DARS2: variants seen among roughly 807,000 people sequenced by gnomAD.
The protein encoded by DARS2 is aspartyl-tRNA synthetase 2, mitochondrial.
A neutral mutation model predicts 83.0 loss-of-function variants in DARS2; 63 were observed. The observed-to-expected ratio is 0.76, with a 90% CI of 0.62 to 0.94. The LOEUF (loss-of-function observed/expected upper bound fraction) is 0.94, where lower values mean the gene tolerates loss of function less well. Among genes scored for constraint, DARS2 ranks in the 40% least tolerant of loss-of-function variants. The pLI, the probability that DARS2 is intolerant of heterozygous loss-of-function variation, is 0.00. For missense variants in DARS2, 675 were observed against 774.4 expected, an observed-to-expected ratio of 0.87 and a Z score of 1.52; for synonymous variants, 250 against 269.3, an observed-to-expected ratio of 0.93 and a Z score of 0.70.
chr1:173,838,081 G>T (rs916173833), intron 8 of DARS2, 109 bp from the exon 9 acceptor site: 5 of 919,580 alleles, frequency 5.4e-6, no homozygotes, highest in South Asian at 1.4e-5. Context: ...CCCTTCTTAC[G>T]TTTTTTAAGT....
At chr1:173,826,125 G>A (rs1290226157) in intron 1 of DARS2, among the ~76,000 whole-genome samples, 3 of 151,642 alleles carry the variant, frequency 2.0e-5, no homozygotes, top group African/African-American at 7.3e-5. Flanking sequence ...TGGGGAGGCC[G>A]AGGCAGGAGA....
intron 7 of DARS2, among the ~76,000 whole-genome samples, chr1:173,836,013 C>T (rs774668573): frequency 2.0e-5 from 3 of 151,718 alleles, no homozygotes; most frequent in Non-Finnish European, 4.4e-5. Context: ...GCCAAGATCA[C>T]GCCATTGCAC....
intron 12 of DARS2, among the ~76,000 whole-genome samples, chr1:173,846,806 G>A (rs1411916818): frequency 1.3e-5 from 2 of 152,006 alleles, no homozygotes; most frequent in African/African-American, 4.8e-5. Flanking sequence ...AAAAAAAAAG[G>A]AAAGAATCTT....
intron 9 of DARS2, among the ~76,000 whole-genome samples, chr1:173,838,585 G>C (rs886240543): frequency 6.6e-6 from 1 of 151,768 alleles, no homozygotes; most frequent in Non-Finnish European, 1.5e-5. Context: ...TTCCTAAAGT[G>C]TTCTAATGTT....
At chr1:173,841,926 G>A (rs1363441836) in intron 11 of DARS2, among the ~76,000 whole-genome samples, 4 of 152,134 alleles carry the variant, frequency 2.6e-5, no homozygotes, top group Non-Finnish European at 5.9e-5. Context: ...TCTTAGCCCT[G>A]TATCAGCACC....
At chr1:173,828,447 T>A (rs768977566) in intron 3 of DARS2, 48 bp downstream of exon 3, 1 of 1,537,596 alleles carries the variant, frequency 6.5e-7, no homozygotes, top group Non-Finnish European at 9.0e-7. Flanking sequence ...TTGATGCTAT[T>A]GCTGGGGTAA....
chr1:173,840,468 G>C (rs1653163512), intron 10 of DARS2, among the ~76,000 whole-genome samples: 1 of 152,180 alleles, frequency 6.6e-6, no homozygotes, highest in Non-Finnish European at 1.5e-5. Context: ...CTGACCTCAG[G>C]TGATCTGCCC....
At chr1:173,843,621 C>T (rs1172703958) in intron 11 of DARS2, among the ~76,000 whole-genome samples, 2 of 152,176 alleles carry the variant, frequency 1.3e-5, no homozygotes, top group African/African-American at 4.8e-5. Context: ...AGCTGAGGTG[C>T]ATTAATCACA....
At chr1:173,831,686 C>A in intron 5 of DARS2, 56 bp downstream of exon 5, 2 of 1,313,340 alleles carry the variant, frequency 1.5e-6, no homozygotes, top group South Asian at 2.4e-5. Context: ...GATGACTAGT[C>A]AAGTATTTTC....
chr1:173,831,457 T>C (rs1652793249), intron 4 of DARS2, 78 bp from the exon 5 acceptor site: 2 of 1,035,862 alleles, frequency 1.9e-6, no homozygotes, highest in Non-Finnish European at 3.1e-6. Context: ...TGTAAATAAA[T>C]GCATAGATTC....
intron 15 of DARS2, among the ~76,000 whole-genome samples, chr1:173,854,688 A>T (rs1261506196): frequency 2.0e-5 from 3 of 152,234 alleles, no homozygotes; most frequent in African/African-American, 4.8e-5. Context: ...TTGAAAAAAT[A>T]AAAATCAAAT....
At chr1:173,827,238 C>T (rs572076234) in intron 2 of DARS2, among the ~76,000 whole-genome samples, 16 of 152,186 alleles carry the variant, frequency 1.1e-4, no homozygotes, top group African/African-American at 3.6e-4. Flanking sequence ...AGATCAGAGC[C>T]CATTTTTTGT....
At chr1:173,833,169 T>C (rs1285794094) in intron 5 of DARS2, among the ~76,000 whole-genome samples, 1 of 152,196 alleles carries the variant, frequency 6.6e-6, no homozygotes, top group Non-Finnish European at 1.5e-5. Flanking sequence ...TGAAGAGTGA[T>C]ATTATTAATA....
chr1:173,847,390 C>A (rs1653477119), intron 12 of DARS2, among the ~76,000 whole-genome samples: 1 of 152,058 alleles, frequency 6.6e-6, no homozygotes, highest in Admixed American at 6.6e-5. Context: ...TGAAGGTTAA[C>A]TTTGGCAGCT....
At position 173,853,841 on chromosome 1, in the gene DARS2, G is replaced by A. The variant is rs771437506; in HGVS notation, c.1610G>A (p.Gly537Glu). 3.1e-6 allele frequency: 5 copies of A among 1,614,072 alleles called. No individual in the cohort carries two copies. Among genetic ancestry groups the A allele is most frequent in the Non-Finnish European group, 4.2e-6 (5 of 1,180,040 alleles). The stretch of plus-strand genomic sequence containing the variant: ...TTGGTTTTAAATGGCAATGAAATAG[G>A]AGGTGGTTCAATTCGAATTCACAAT... ...YDLVLNGNEIGGGSIRIHNAE... is the reference protein window; with the variant it reads ...YDLVLNGNEIEGGSIRIHNAE... Residue 537 changes from glycine to glutamate, a missense_variant, in exon 15 of 17, where the codon GGA becomes GAA. Transcript: ENST00000649689.
In DARS2 at chr1:173,850,335, A is replaced by C; in HGVS notation, c.1200A>C (p.Leu400Phe). The change falls in exon 13 of 17, where the codon TTA (leucine) becomes TTC (phenylalanine). Residue 400 changes from leucine (L) to phenylalanine (F), a missense_variant. Transcript: ENST00000649689. ...CTTTTTCTTTTACACAGGAAATCTT[A>C]CCTGTATTCCTTAACGCCAATAGAA... ...FAADHFNQEI[L>F]PVFLNANRNW... 6.2e-7 allele frequency: 1 copy of C among 1,609,896 alleles called. No homozygotes were observed.
intron 8 of DARS2, among the ~76,000 whole-genome samples, chr1:173,837,375 A>T (rs574897736): frequency 6.6e-6 from 1 of 152,178 alleles, no homozygotes; most frequent in Non-Finnish European, 1.5e-5. Context: ...CCAAATGTAA[A>T]TGTATTGAGA....
rs754039305 is a variant in DARS2, at chr1:173,857,671, A to G, written c.1904A>G (p.Lys635Arg). 1.9e-6 allele frequency: 3 copies of G among 1,614,044 alleles called. No homozygotes were observed. The highest frequency in any genetic ancestry group is 2.5e-6 in the Non-Finnish European group (3 of 1,180,032). ...ELKPYHIRVS[K>R]PTDSKAERAH is the part of the protein sequence containing the mutation. ...AAGCCCTATCATATCCGAGTCTCCA[A>G]GCCAACAGACTCCAAAGCAGAAAGA... The change falls in exon 17 of 17, where the codon AAG becomes AGG. Residue 635 changes from lysine to arginine, a missense_variant. By Grantham distance (26) the Lys-to-Arg change is conservative. Coordinates refer to ENST00000649689, the MANE Select transcript of DARS2 (RefSeq NM_018122.5).
intron 8 of DARS2, 78 bp downstream of exon 8, chr1:173,837,124 C>G (rs1653034527): frequency 7.8e-7 from 1 of 1,289,688 alleles, no homozygotes; most frequent in Admixed American, 1.7e-5. Context: ...ACAAAATCCT[C>G]TCTGTTCTCA....
Sources: gnomAD v4.1 joint callset for allele counts (sites outside exome capture counted in the v4.1 genomes callset) on GRCh38, gnomAD v4.1.1 for gene constraint, MANE v1.5 for transcripts, NCBI Gene and HGNC (gene_info 2026-07-23, HGNC 2026-07-21) for gene names.